The following DCAF6 variants were observed in gnomAD, a reference collection of about 807,000 sequenced individuals.
The protein encoded by DCAF6 is DDB1 and CUL4 associated factor 6.
A neutral mutation model predicts 125.1 loss-of-function variants in DCAF6; 54 were observed. The ratio of observed to expected loss-of-function variants is 0.43; its 90% CI spans 0.35 to 0.54. The LOEUF is 0.54. Among genes scored for constraint, DCAF6 ranks in the 20% least tolerant of loss-of-function variants. The pLI is 0.01. For synonymous variants in DCAF6, 371 were observed against 390.4 expected, an observed-to-expected ratio of 0.95 and a Z score of 0.58; for missense variants, 934 against 1,161.7, an observed-to-expected ratio of 0.80 and a Z score of 2.85.
At chr1:167,961,404 G>T (rs959370441) in intron 2 of DCAF6, among the ~76,000 whole-genome samples, 1 of 151,894 alleles carries the variant, frequency 6.6e-6, no homozygotes, top group Non-Finnish European at 1.5e-5. Context: ...CACCACACCC[G>T]GCTAATTTTT....
intron 4 of DCAF6, among the ~76,000 whole-genome samples, chr1:167,981,407 A>G (rs1481670581): frequency 1.3e-5 from 2 of 152,168 alleles, no homozygotes; most frequent in African/African-American, 4.8e-5. Context: ...TTCGAGGGGT[A>G]CATGTGCAGG....
chr1:167,998,477 A>G (rs574608550), intron 7 of DCAF6, among the ~76,000 whole-genome samples: 5 of 152,228 alleles, frequency 3.3e-5, no homozygotes, highest in Non-Finnish European at 7.4e-5. Context: ...TTCATAAAAG[A>G]TGTATTTGTA....
intron 4 of DCAF6, among the ~76,000 whole-genome samples, chr1:167,982,333 C>A (rs561081026): frequency 2.7e-4 from 41 of 152,260 alleles, no homozygotes; most frequent in South Asian, 1.7e-3. Context: ...CCTCCTCTTC[C>A]TGCTTTCAAG....
chr1:167,969,788 C>G (rs1557907222), intron 3 of DCAF6, among the ~76,000 whole-genome samples: 1 of 151,952 alleles, frequency 6.6e-6, no homozygotes, highest in Admixed American at 6.6e-5. Flanking sequence ...TTTTATTATT[C>G]TTTTTTGAGA....
At chr1:167,896,811 C>A in the DCAF6 span, 55 of 706,532 alleles carry the variant, frequency 7.8e-5, no homozygotes, top group East Asian at 3.1e-4. Context: ...CACACTTAAA[C>A]ACCAAGACTA....
chr1:167,982,387 G>T (rs1442291994), intron 4 of DCAF6, among the ~76,000 whole-genome samples: 8 of 151,918 alleles, frequency 5.3e-5, no homozygotes, highest in Non-Finnish European at 8.8e-5. Flanking sequence ...GACTATAGGC[G>T]CATGCAACCA....
At chr1:167,965,611 G>T (rs1308972022) in intron 2 of DCAF6, among the ~76,000 whole-genome samples, 7 of 151,988 alleles carry the variant, frequency 4.6e-5, no homozygotes, top group African/African-American at 1.7e-4. Flanking sequence ...TACCCCCACC[G>T]CATGACTGGG....
chr1:167,870,457 T>C, the DCAF6 span: 13 of 1,498,342 alleles, frequency 8.7e-6, no homozygotes, highest in South Asian at 1.0e-4. Context: ...CAACGTAAAA[T>C]AGTCTAGAGA....
intron 11 of DCAF6, among the ~76,000 whole-genome samples, chr1:168,016,562 G>C (rs1378178752): frequency 1.3e-5 from 2 of 152,090 alleles, no homozygotes; most frequent in Non-Finnish European, 2.9e-5. Context: ...ATAAAACTGT[G>C]ATAACATAGT....
In DCAF6 at chr1:167,974,890, T is replaced by C. The variant is rs1351008382; in HGVS notation, c.313T>C (p.Cys105Arg). The change falls in exon 4 of 22, where the codon TGT becomes CGT. Residue 105 changes from cysteine (C) to arginine (R), a missense_variant. Physicochemically the swap from Cys to Arg is radical, Grantham distance 180. Around this residue, in one of 5 missense-constraint regions of DCAF6, gnomAD observed 309 missense variants for 381.2 expected, o/e 0.81. Coordinates refer to ENST00000367840, the MANE Select transcript of DCAF6 (RefSeq NM_001198956.2). ...CATATTTAGTGCAAAGTTCTTACCT[T>C]GTACAAATGATAAACAGATTGTATC... ...ANIFSAKFLP[C>R]TNDKQIVSCS... The C allele has an allele frequency of 3.7e-6, 6 of 1,605,852 alleles. No homozygotes were observed. Among genetic ancestry groups the C allele is most frequent in the Non-Finnish European group, 5.1e-6 (6 of 1,176,222 alleles).
the DCAF6 span, chr1:167,905,212 T>C: frequency 2.2e-5 from 33 of 1,522,902 alleles, no homozygotes; most frequent in Non-Finnish European, 3.0e-5. Flanking sequence ...AAAAGAAAAT[T>C]GAAATAGAGG....
intron 11 of DCAF6, among the ~76,000 whole-genome samples, chr1:168,016,945 C>T (rs990838816): frequency 8.5e-4 from 130 of 152,100 alleles, no homozygotes; most frequent in African/African-American, 3.0e-3. Flanking sequence ...AATTGGACAA[C>T]CTGCACTTTA....
chr1:167,935,523 G>A (rs574986521), upstream of DCAF6, among the ~76,000 whole-genome samples: 95 of 152,196 alleles, frequency 6.2e-4, no homozygotes, highest in Non-Finnish European at 1.2e-3. Flanking sequence ...GGTGGGGAAG[G>A]GAGCTGACTT....
At chr1:168,009,383 C>CTT (rs1557971200) in intron 10 of DCAF6, among the ~76,000 whole-genome samples, 1 of 139,144 alleles carries the variant, frequency 7.2e-6, no homozygotes, top group African/African-American at 2.8e-5. Context: ...TCCTTCCTTC[C>CTT]TTCCTTTCTT....
intron 17 of DCAF6, among the ~76,000 whole-genome samples, chr1:168,058,427 A>G (rs192886114): frequency 9.0e-4 from 137 of 152,370 alleles, no homozygotes; most frequent in African/African-American, 3.2e-3. Flanking sequence ...GTTTATTCAC[A>G]TCACTGATTC....
Position 167,980,473 on chromosome 1 carries a change from T to G in DCAF6, c.438+5458T>G, listed in dbSNP as rs1678931141. Among the ~76,000 whole-genome samples, 3 of 152,190 alleles carry G rather than the reference T, an allele frequency of 2.0e-5. No individual in the cohort carries two copies. The South Asian group carries it at 6.2e-4, about 32-fold the overall frequency. On this transcript the variant is annotated intron_variant, in intron 4 of 21. Coordinates refer to ENST00000367840, the MANE Select transcript of DCAF6 (RefSeq NM_001198956.2). ...AAGGGTGCCAACTTCTCCATTTCCTTGCCAACACTTACAATTTTTTTTTAG... is the reference window on the plus strand; with the variant it reads ...AAGGGTGCCAACTTCTCCATTTCCTGGCCAACACTTACAATTTTTTTTTAG...
At chr1:168,000,913 A>G (rs962512692) in intron 7 of DCAF6, among the ~76,000 whole-genome samples, 11 of 152,146 alleles carry the variant, frequency 7.2e-5, no homozygotes, top group Non-Finnish European at 2.9e-5. Flanking sequence ...TTATATAATG[A>G]TGACGGTTGT....
the DCAF6 span, among the ~76,000 whole-genome samples, chr1:167,878,111 A>T: frequency 0.059 from 9,005 of 152,246 alleles, 814 homozygotes; most frequent in African/African-American, 0.2. Flanking sequence ...TACAGTTGAC[A>T]TAATTAGTAA....
At chr1:168,034,675 G>A (rs1334836564) in intron 12 of DCAF6, among the ~76,000 whole-genome samples, 1 of 152,124 alleles carries the variant, frequency 6.6e-6, no homozygotes, top group African/African-American at 2.4e-5. Flanking sequence ...TATATTCATA[G>A]TAATGCTCAA....
Sources: gnomAD v4.1 joint callset for allele counts (sites outside exome capture counted in the v4.1 genomes callset) on GRCh38, gnomAD v4.1.1 for gene constraint, gnomAD v4.1.1 regional missense constraint, MANE v1.5 for transcripts, NCBI Gene and HGNC (gene_info 2026-07-23, HGNC 2026-07-21) for gene names.